The following NRXN2 variants were observed in gnomAD, a reference collection of about 807,000 sequenced individuals.
The protein encoded by NRXN2 is neurexin 2, also known as neurexin-2-beta.
A neutral mutation model predicts 128.8 loss-of-function variants in NRXN2; 29 were observed. That is an observed-to-expected ratio of 0.23 (90% confidence interval 0.17 to 0.31). The LOEUF (loss-of-function observed/expected upper bound fraction) is 0.31. Ranked by LOEUF, NRXN2 falls within the 10% of genes least tolerant of loss-of-function variation. The pLI is 1.00. For missense variants in NRXN2, 1,881 were observed against 2,452.6 expected, an observed-to-expected ratio of 0.77 and a Z score of 4.92; for synonymous variants, 1,098 against 1,075.2, an observed-to-expected ratio of 1.02 and a Z score of -0.41.
rs2042561233 is a variant in NRXN2, at chr11:64,622,808, G to C, written c.4118C>G (p.Ala1373Gly). ...TTIMETTTTM[A>G]TTTTRRGRSP... ...GCGGCCCCGGCGCGTGGTGGTAGTG[G>C]CCATGGTGGTGGTAGTCTCCATGAT... is the stretch of plus-strand genomic sequence containing the variant. Residue 1373 changes from alanine to glycine, a missense_variant, in exon 21 of 23, where the codon GCC (alanine) becomes GGC (glycine). By Grantham distance (60) the Ala-to-Gly change is moderately conservative (BLOSUM62 0). Around this residue, in one of 7 missense-constraint regions of NRXN2, gnomAD observed 108 missense variants for 165.2 expected, o/e 0.65. Transcript: ENST00000265459. This position sits in a 1 kb window ranked among gnomAD's most constrained non-coding sequence, Gnocchi z 4.3. 6.2e-7 allele frequency: 1 copy of C among 1,612,592 alleles called. No individual in the cohort carries two copies. The highest frequency in any genetic ancestry group is 8.5e-7 in the Non-Finnish European group (1 of 1,179,976).
chr11:64,617,431 G>A (rs916983599), intron 22 of NRXN2, among the ~76,000 whole-genome samples: 1 of 152,204 alleles, frequency 6.6e-6, no homozygotes, highest in South Asian at 2.1e-4. Context: ...GTACATTACC[G>A]ATGGTGCATG....
At chr11:64,650,684 G>A (rs1237253736) in intron 14 of NRXN2, 46 bp from the exon 15 acceptor site, 2 of 1,582,004 alleles carry the variant, frequency 1.3e-6, no homozygotes, top group East Asian at 2.2e-5. Context: ...CGGGGGTGAT[G>A]CTGGGAAGGT....
At position 64,648,620 on chromosome 11, in the gene NRXN2, G is replaced by T; in HGVS notation, c.3283+114C>A. Reference sequence around the variant, plus strand: ...AACTGTGGGGGCAAGCTCCCATAAGGCCTGAGAAGGAAGGCCCCTTGGCAG... The same window carrying T: ...AACTGTGGGGGCAAGCTCCCATAAGTCCTGAGAAGGAAGGCCCCTTGGCAG... On this transcript the variant is annotated intron_variant, in intron 16 of 22. Transcript: ENST00000265459. The surrounding 1 kb of genome is among the most constrained non-coding windows in gnomAD (Gnocchi z 4.1). 1 of 1,410,466 alleles carries T rather than the reference G, an allele frequency of 7.1e-7. No homozygotes were observed. Among genetic ancestry groups the T allele is most frequent in the Non-Finnish European group, 1.0e-6 (1 of 1,000,246 alleles). The allele number at this position is 1,410,466 out of a possible 1,614,324, so 87.4% of individuals were successfully genotyped here.
intron 17 of NRXN2, chr11:64,642,900 G>C (rs1356815107): frequency 9.7e-7 from 1 of 1,031,410 alleles, no homozygotes; most frequent in Non-Finnish European, 1.2e-6. Context: ...CCGAGCTCCG[G>C]GAGCGGGGTA....
intron 3 of NRXN2, 77 bp from the exon 4 acceptor site, chr11:64,692,953 G>GAA: frequency 4.9e-6 from 6 of 1,226,066 alleles, no homozygotes; most frequent in Non-Finnish European, 5.9e-6. Context: ...AAGAAACAAA[G>GAA]AAAACACGAG....
intron 2 of NRXN2, among the ~76,000 whole-genome samples, chr11:64,703,186 T>C (rs2055748426): frequency 6.6e-6 from 1 of 152,126 alleles, no homozygotes; most frequent in Non-Finnish European, 1.5e-5. Flanking sequence ...TATCCAAAAG[T>C]GAGGACAATG....
chr11:64,651,898 C>T lies in NRXN2; in HGVS notation c.2536+137G>A. On this transcript the variant is annotated intron_variant, in intron 13 of 22. Coordinates refer to ENST00000265459, the MANE Select transcript of NRXN2 (RefSeq NM_015080.4). This position sits in a 1 kb window ranked among gnomAD's most constrained non-coding sequence, Gnocchi z 5.9. Reference sequence around the variant, plus strand: ...TCCAGATGCCCATAACATTCCACCCCTGAAGGAGAAATGGCAGAGGCAGCT... The same window carrying T: ...TCCAGATGCCCATAACATTCCACCCTTGAAGGAGAAATGGCAGAGGCAGCT... 1 of 1,378,948 alleles carries T rather than the reference C, an allele frequency of 7.3e-7. No individual in the cohort carries two copies. The highest frequency in any genetic ancestry group is 1.0e-6 in the Non-Finnish European group (1 of 983,444). 85.4% of individuals were successfully genotyped at this position (1,378,948 alleles called of 1,614,324 possible).
At chr11:64,674,900 C>T (rs1152628) in intron 7 of NRXN2, among the ~76,000 whole-genome samples, 149,242 of 152,360 alleles carry the variant, frequency 0.98, 73,183 homozygotes, top group Middle Eastern at 1. Flanking sequence ...TGCAGGTATA[C>T]TACCACTATT....
intron 22 of NRXN2, among the ~76,000 whole-genome samples, chr11:64,615,854 G>GCA (rs879350759): frequency 0.29 from 33,800 of 117,678 alleles, 3,977 homozygotes; most frequent in East Asian, 0.61. Context: ...GTGTGTGTGT[G>GCA]TGTGTGTGTG....
chr11:64,678,075 A>T (rs936557938), intron 6 of NRXN2, among the ~76,000 whole-genome samples: 1 of 152,148 alleles, frequency 6.6e-6, no homozygotes, highest in Non-Finnish European at 1.5e-5. Flanking sequence ...GGAGTCACTG[A>T]GGAGAGGGGC....
chr11:64,710,905 CA>C (rs1419087883), intron 2 of NRXN2, among the ~76,000 whole-genome samples: 1 of 152,178 alleles, frequency 6.6e-6, no homozygotes, highest in African/African-American at 2.4e-5. Flanking sequence ...CACACACCGA[CA>C]CAGAATTTCA....
In NRXN2 at chr11:64,660,980, C is replaced by T; in HGVS notation, c.1958G>A (p.Gly653Asp). The T allele has an allele frequency of 6.2e-7, 1 of 1,613,870 alleles. No homozygotes were observed. Among genetic ancestry groups the T allele is most frequent in the Non-Finnish European group, 8.5e-7 (1 of 1,180,014 alleles). The change falls in exon 10 of 23, where the codon GGC becomes GAC. Residue 653 changes from glycine to aspartate, a missense_variant. Physicochemically the swap from Gly to Asp is moderately conservative, Grantham distance 94. This residue lies in a region of NRXN2 where 997 missense variants were observed against 1,240.8 expected (regional missense o/e 0.80). Coordinates refer to ENST00000265459, the MANE Select transcript of NRXN2 (RefSeq NM_015080.4). The surrounding 1 kb of genome is among the most constrained non-coding windows in gnomAD (Gnocchi z 5.2). ...PEVWTAALRA[G>D]YVGCVRDLFI... ...GAGGTCCCGCACACAGCCCACGTAG[C>T]CTGCCCGGAGTGCTGCTGTCCACAC...
At chr11:64,704,192 C>T (rs536602613) in intron 2 of NRXN2, among the ~76,000 whole-genome samples, 1 of 152,190 alleles carries the variant, frequency 6.6e-6, no homozygotes, top group African/African-American at 2.4e-5. Flanking sequence ...AACTTTCAGA[C>T]ACAAGACTTC....
intron 21 of NRXN2, among the ~76,000 whole-genome samples, chr11:64,620,949 A>G (rs1307188224): frequency 4.6e-5 from 7 of 151,790 alleles, no homozygotes. Flanking sequence ...TACTTATTGC[A>G]AAGAAAGAGA....
chr11:64,648,301 G>T lies in NRXN2; in HGVS notation c.3321C>A (p.Asn1107Lys). The change falls in exon 17 of 23, where the codon AAC becomes AAA. Residue 1107 changes from asparagine (N) to lysine (K), a missense_variant. Around this residue, in one of 7 missense-constraint regions of NRXN2, gnomAD observed 390 missense variants for 599.6 expected, o/e 0.65. Transcript: ENST00000265459. This position sits in a 1 kb window ranked among gnomAD's most constrained non-coding sequence, Gnocchi z 4.1. ...STTCTEESCANQGVCLQQWDG... is the reference protein window; with the variant it reads ...STTCTEESCAKQGVCLQQWDG... ...CCCACTGCTGCAAGCAGACGCCCTG[G>T]TTGGCACAGGACTCTTCAGTGCAGG... is the stretch of plus-strand genomic sequence containing the variant. 1.2e-6 allele frequency: 2 copies of T among 1,614,234 alleles called. No homozygotes were observed. The highest frequency in any genetic ancestry group is 1.7e-6 in the Non-Finnish European group (2 of 1,180,040).
intron 11 of NRXN2, among the ~76,000 whole-genome samples, chr11:64,656,712 G>GC (rs1315399806): frequency 6.6e-6 from 1 of 152,116 alleles, no homozygotes; most frequent in African/African-American, 2.4e-5. Flanking sequence ...CCCAGGCCAT[G>GC]CTGGGATAGG....
At position 64,660,312 on chromosome 11, in the gene NRXN2, G is replaced by T. The variant is rs781296204; in HGVS notation, c.2389+20C>A. 1 of 1,611,762 alleles carries T rather than the reference G, an allele frequency of 6.2e-7. No individual in the cohort carries two copies. Among genetic ancestry groups the T allele is most frequent in the Non-Finnish European group, 8.5e-7 (1 of 1,179,094 alleles). On this transcript the variant is annotated intron_variant, in intron 11 of 22. Coordinates refer to ENST00000265459, the MANE Select transcript of NRXN2 (RefSeq NM_015080.4). This position sits in a 1 kb window ranked among gnomAD's most constrained non-coding sequence, Gnocchi z 5.2. The stretch of plus-strand genomic sequence containing the variant: ...ACAAGGCCAGGTGAGGGGTCAGGAA[G>T]CACAGGGCAGGGTGGTTACCGAGGT...
chr11:64,718,499 A>AT (rs951906848), intron 1 of NRXN2, among the ~76,000 whole-genome samples: 4 of 152,094 alleles, frequency 2.6e-5, no homozygotes, highest in African/African-American at 9.7e-5. Context: ...AGTGCGTGCT[A>AT]TGGGGGGAGA....
chr11:64,685,592 C>G, intron 6 of NRXN2, 54 bp downstream of exon 6: 1 of 1,611,310 alleles, frequency 6.2e-7, no homozygotes, highest in Non-Finnish European at 8.5e-7. Context: ...CTCTCCCAAC[C>G]CCCATTCTAC....
Sources: gnomAD v4.1 joint callset for allele counts (sites outside exome capture counted in the v4.1 genomes callset) on GRCh38, gnomAD v4.1.1 for gene constraint, gnomAD v4.1.1 regional missense constraint, Gnocchi (gnomAD v3.1) non-coding constraint, MANE v1.5 for transcripts, NCBI Gene and HGNC (gene_info 2026-07-23, HGNC 2026-07-21) for gene names.